The following PTPRD variants were observed in gnomAD, a reference collection of about 807,000 sequenced individuals.
The protein encoded by PTPRD is protein tyrosine phosphatase receptor type D.
A neutral mutation model predicts 214.5 loss-of-function variants in PTPRD; 34 were observed. The ratio of observed to expected loss-of-function variants is 0.16; its 90% CI spans 0.12 to 0.21. The LOEUF is 0.21. Among genes scored for constraint, PTPRD ranks in the 10% least tolerant of loss-of-function variants. The pLI, the probability that PTPRD is intolerant of heterozygous loss-of-function variation, is 1.00. For synonymous variants in PTPRD, 1,128 were observed against 845.7 expected (o/e 1.33, Z -5.79); for missense variants, 2,545 against 2,398.7 (o/e 1.06, Z -1.27).
rs1567183388 is a variant in PTPRD at position 8,948,495 on chromosome 9, ATATATATATTTATATATATATATT to A, written c.-104+70178_-104+70201del. The stretch of plus-strand genomic sequence containing the variant: ...TATATATATATTTATATATATATTT[ATATATATATTTATATATATATATT>A]TATATATATATTTATATATATATTT... On this transcript the variant is annotated intron_variant, in intron 11 of 45. Coordinates refer to ENST00000381196, the MANE Select transcript of PTPRD (RefSeq NM_002839.4). Among the ~76,000 whole-genome samples the A allele has an allele frequency of 8.8e-3, 440 of 49,850 alleles. 86 individuals are homozygous for A. Among genetic ancestry groups the A allele is most frequent in the African/African-American group, 0.032 (390 of 12,048 alleles). The allele number at this position is 49,850 out of a possible 152,430, so 32.7% of individuals were successfully genotyped here. A position where few individuals can be genotyped will look rare whatever the true frequency, so the allele number is the denominator to read the frequency against.
chr9:9,887,975 A>G (rs969918330), intron 5 of PTPRD, among the ~76,000 whole-genome samples: 2 of 152,134 alleles, frequency 1.3e-5, no homozygotes, highest in African/African-American at 4.8e-5. Flanking sequence ...AAAATGGTAA[A>G]TGCCGAAACA....
rs750825729 is a variant in PTPRD at position 8,321,487 on chromosome 9, GTATATATATATATATATATATATATATA to G, written c.5535-1549_5535-1522del. 1.1e-4 allele frequency among the ~76,000 whole-genome samples: 5 copies of G among 44,554 alleles called. No homozygotes were observed. The East Asian group carries it at 4.1e-3, about 36-fold the overall frequency. 29.2% of individuals were successfully genotyped at this position (44,554 alleles called of 152,430 possible). A position where few individuals can be genotyped will look rare whatever the true frequency, so the allele number is the denominator to read the frequency against. On this transcript the variant is annotated intron_variant, in intron 44 of 45. Coordinates refer to ENST00000381196, the MANE Select transcript of PTPRD (RefSeq NM_002839.4). ...TGTGTGTGTGTGTGTGTGTGTGTGT[GTATATATATATATATATATATATATATA>G]TATATATATATAAAAGGTATATGCA...
intron 4 of PTPRD, among the ~76,000 whole-genome samples, chr9:9,947,553 A>ATATATATTTTATATATATAATATATATAT (rs1298502214): frequency 7.0e-5 from 2 of 28,618 alleles, no homozygotes; most frequent in African/African-American, 7.9e-4. Flanking sequence ...TATATATATT[A>ATATATATTTTATATATATAATATATATAT]TATATATATT....
intron 14 of PTPRD, among the ~76,000 whole-genome samples, chr9:8,627,236 G>C (rs2096072341): frequency 6.6e-6 from 1 of 151,672 alleles, no homozygotes; most frequent in African/African-American, 2.4e-5. Context: ...ACAATATCTT[G>C]TATATAAAGT....
At chr9:9,601,152 TG>T (rs145964431) in intron 7 of PTPRD, among the ~76,000 whole-genome samples, 8,951 of 67,142 alleles carry the variant, frequency 0.13, 385 homozygotes, top group Middle Eastern at 0.27. Context: ...TGTGTGTGTA[TG>T]GGGGGGGGAG....
intron 11 of PTPRD, among the ~76,000 whole-genome samples, chr9:8,767,853 G>C (rs370292853): frequency 4.1e-4 from 63 of 152,086 alleles, no homozygotes; most frequent in African/African-American, 1.4e-3. Flanking sequence ...TCTCATTTAA[G>C]TTACAGTAAA....
intron 2 of PTPRD, among the ~76,000 whole-genome samples, chr9:10,449,437 T>A (rs1177087981): frequency 6.6e-6 from 1 of 151,770 alleles, no homozygotes; most frequent in Non-Finnish European, 1.5e-5. Context: ...AGTACCAAGA[T>A]GGCAGCCTCC....
chr9:10,143,928 A>C (rs891564600), intron 3 of PTPRD, among the ~76,000 whole-genome samples: 1 of 152,064 alleles, frequency 6.6e-6, no homozygotes, highest in Non-Finnish European at 1.5e-5. Context: ...TAGGGCAAGC[A>C]TTCAGAAACT....
intron 11 of PTPRD, among the ~76,000 whole-genome samples, chr9:8,966,106 T>A (rs1255825597): frequency 6.6e-6 from 1 of 152,034 alleles, no homozygotes; most frequent in Non-Finnish European, 1.5e-5. Context: ...AACTTCAGAA[T>A]ACTGCTAAAA....
At chr9:9,520,368 T>C (rs2096939499) in intron 8 of PTPRD, among the ~76,000 whole-genome samples, 1 of 150,596 alleles carries the variant, frequency 6.6e-6, no homozygotes, top group Admixed American at 6.6e-5. Context: ...ATGAATACTA[T>C]GACAGAATTA....
intron 6 of PTPRD, among the ~76,000 whole-genome samples, chr9:9,751,697 TA>T (rs1440715329): frequency 2.6e-5 from 4 of 152,088 alleles, no homozygotes; most frequent in Admixed American, 6.6e-5. Flanking sequence ...TGGAATGATA[TA>T]TCTACTAGTC....
intron 11 of PTPRD, among the ~76,000 whole-genome samples, chr9:8,748,314 T>C (rs2093080900): frequency 6.6e-6 from 1 of 151,490 alleles, no homozygotes; most frequent in Admixed American, 6.6e-5. Context: ...ACCCAACCAA[T>C]CAGAGAGCTC....
At chr9:9,849,585 T>G (rs1450804385) in intron 5 of PTPRD, among the ~76,000 whole-genome samples, 8 of 152,134 alleles carry the variant, frequency 5.3e-5, no homozygotes, top group Non-Finnish European at 1.2e-4. Context: ...ATTAACATAA[T>G]GAACTGTTGT....
At chr9:8,548,224 G>A (rs149799811) in intron 14 of PTPRD, among the ~76,000 whole-genome samples, 20 of 152,312 alleles carry the variant, frequency 1.3e-4, no homozygotes, top group African/African-American at 4.8e-4. Context: ...GTCACTGCTT[G>A]AATGCTTTTG....
chr9:8,497,881 G>A (rs897502745), intron 25 of PTPRD, among the ~76,000 whole-genome samples: 3 of 152,228 alleles, frequency 2.0e-5, no homozygotes, highest in Non-Finnish European at 4.4e-5. Flanking sequence ...GTTCTGTAAT[G>A]TAAAATATCT....
chr9:9,818,035 T>C (rs2049350858), intron 5 of PTPRD, among the ~76,000 whole-genome samples: 2 of 152,218 alleles, frequency 1.3e-5, no homozygotes, highest in African/African-American at 4.8e-5. Context: ...TAATATGTTG[T>C]ATGTAACTTT....
intron 10 of PTPRD, among the ~76,000 whole-genome samples, chr9:9,154,530 G>T (rs923976302): frequency 4.6e-5 from 7 of 152,032 alleles, no homozygotes. Context: ...TTGAATCAAG[G>T]CTCCACCATT....
At chr9:10,321,190 T>C (rs2096546011) in intron 3 of PTPRD, among the ~76,000 whole-genome samples, 1 of 151,990 alleles carries the variant, frequency 6.6e-6, no homozygotes, top group Admixed American at 6.6e-5. Flanking sequence ...TTTATAATGA[T>C]AATAACTACT....
chr9:9,787,263 A>G (rs1365728521), intron 5 of PTPRD, among the ~76,000 whole-genome samples: 2 of 152,070 alleles, frequency 1.3e-5, no homozygotes, highest in African/African-American at 2.4e-5. Context: ...TGACACTCTC[A>G]GTAGTAAAAT....
Sources: allele counts gnomAD v4.1 joint callset (sites outside exome capture counted in the v4.1 genomes callset), GRCh38; gene constraint gnomAD v4.1.1; transcripts MANE v1.5; gene names NCBI Gene and HGNC (gene_info 2026-07-23, HGNC 2026-07-21).